The following GPR179 variants were observed in gnomAD, a reference collection of about 807,000 sequenced individuals.
The protein encoded by GPR179 is probable G protein-coupled receptor 179.
In GPR179, 52 loss-of-function variants were observed where a neutral mutation model predicts 70.8. The ratio of observed to expected loss-of-function variants is 0.73; its 90% CI spans 0.59 to 0.93. The LOEUF (loss-of-function observed/expected upper bound fraction) is 0.93. GPR179 is among the 40% of genes least tolerant of loss of function. The pLI, the probability that GPR179 is intolerant of heterozygous loss-of-function variation, is 0.00. For synonymous variants in GPR179, 1,123 were observed against 1,169.0 expected (o/e 0.96, Z 0.80); for missense variants, 2,734 against 2,966.8 (o/e 0.92, Z 1.82).
At position 38,328,458 on chromosome 17, in the gene GPR179, A is replaced by G; in HGVS notation, c.5111T>C (p.Ile1704Thr). Residue 1704 changes from isoleucine to threonine, a missense_variant, in exon 11 of 11, where the codon ATC (isoleucine) becomes ACC (threonine). Ile to Thr is a moderately conservative substitution (Grantham distance 89). Transcript: ENST00000616987. ...EENLTAGKAEICPWEVGAGAG... is the reference protein window; with the variant it reads ...EENLTAGKAETCPWEVGAGAG... ...TCCAGCACCCACCTCCCAGGGACAG[A>G]TTTCTGCCTTCCCAGCAGTCAAGTT... is the stretch of plus-strand genomic sequence containing the variant. 6.2e-7 allele frequency: 1 copy of G among 1,614,086 alleles called. No homozygotes were observed. Among genetic ancestry groups the G allele is most frequent in the Non-Finnish European group, 8.5e-7 (1 of 1,179,994 alleles).
At position 38,334,779 on chromosome 17, in the gene GPR179, G is replaced by A. The variant is rs373958918; in HGVS notation, c.1709C>T (p.Ala570Val). ...GCCCATGTAGCGTGGCTCATGGAAG[G>A]CCGAGAGCACAGCCCGTGTGGCGTA... The part of the protein sequence containing the change: ...LCYATRAVLS[A>V]FHEPRYMGIA... Residue 570 changes from alanine (A) to valine (V), a missense_variant, in exon 8 of 11, where the codon GCC becomes GTC. Physicochemically the swap from Ala to Val is moderately conservative, Grantham distance 64. Transcript: ENST00000616987. This position sits in a 1 kb window ranked among gnomAD's most constrained non-coding sequence, Gnocchi z 4.7. The A allele has an allele frequency of 1.1e-5, 18 of 1,613,600 alleles. No individual in the cohort carries two copies. In the African/African-American group the frequency reaches 2.1e-4, roughly 19 times the overall value.
rs1288643999 is a variant in GPR179 at position 38,335,837 on chromosome 17, G to A, written c.1297-137C>T. 12 of 684,584 alleles carry A rather than the reference G, an allele frequency of 1.8e-5. No individual in the cohort carries two copies. The East Asian group carries it at 3.0e-4, about 17-fold the overall frequency. 42.4% of individuals were successfully genotyped at this position (684,584 alleles called of 1,614,324 possible). On this transcript the variant is annotated intron_variant, in intron 5 of 10. Coordinates refer to ENST00000616987, the MANE Select transcript of GPR179 (RefSeq NM_001004334.4). ...ACCTTCATTCTGCAGAGGAGCAGCTGAAGTGTCAAAGAAGTTAGGTAACTT... is the reference window on the plus strand; with the variant it reads ...ACCTTCATTCTGCAGAGGAGCAGCTAAAGTGTCAAAGAAGTTAGGTAACTT...
Position 38,333,369 on chromosome 17 carries a change from T to TC in GPR179, c.1918dup (p.Glu640GlyfsTer6). On this transcript the variant is annotated frameshift_variant, in exon 10 of 11. Transcript: ENST00000616987. LOFTEE classifies it high-confidence loss of function. Reference sequence around the variant, plus strand: ...CTCACACACCTCATCCACCATCTCCTCCCGGGGAGGAGCCCCCAGCTTCCA... The same window carrying TC: ...CTCACACACCTCATCCACCATCTCCTCCCCGGGGAGGAGCCCCCAGCTTCCA... 6.2e-7 allele frequency: 1 copy of TC among 1,613,524 alleles called. No homozygotes were observed. The highest frequency in any genetic ancestry group is 8.5e-7 in the Non-Finnish European group (1 of 1,179,738).
At position 38,330,604 on chromosome 17, in the gene GPR179, G is replaced by C; in HGVS notation, c.2965C>G (p.Leu989Val). Residue 989 changes from leucine to valine, a missense_variant, in exon 11 of 11, where the codon CTC becomes GTC. Leu to Val is a conservative substitution (Grantham distance 32, BLOSUM62 1). Coordinates refer to ENST00000616987, the MANE Select transcript of GPR179 (RefSeq NM_001004334.4). Reference sequence around the variant, plus strand: ...TTCTCCCAGGGGCAGATGTAGGTGAGTAAGTTGGGGCTTTGTGGGGATACT... The same window carrying C: ...TTCTCCCAGGGGCAGATGTAGGTGACTAAGTTGGGGCTTTGTGGGGATACT... ...VPVSPQSPNL[L>V]TYICPWENAE... is the part of the protein sequence containing the mutation. 6.3e-7 allele frequency: 1 copy of C among 1,578,808 alleles called. No homozygotes were observed. Among genetic ancestry groups the C allele is most frequent in the Non-Finnish European group, 8.6e-7 (1 of 1,164,018 alleles).
chr17:38,337,727 G>A lies in GPR179; in HGVS notation c.904-7C>T. On this transcript the variant is annotated splice_region_variant and splice_polypyrimidine_tract_variant and intron_variant, in intron 2 of 10. Transcript: ENST00000616987. The stretch of plus-strand genomic sequence containing the variant: ...GACTCTCCAGGGGGACACACTATGG[G>A]GACAACAAACACAGTATGTGTTTAT... 6.2e-7 allele frequency: 1 copy of A among 1,611,134 alleles called. No homozygotes were observed. Among genetic ancestry groups the A allele is most frequent in the Non-Finnish European group, 8.5e-7 (1 of 1,178,048 alleles).
At position 38,331,144 on chromosome 17, in the gene GPR179, C is replaced by G. The variant is rs1265281696; in HGVS notation, c.2425G>C (p.Gly809Arg). ...SRTESRESVEGPPALGFRSAS... is the reference protein window; with the variant it reads ...SRTESRESVERPPALGFRSAS... ...GACCTGAAGCCCAGGGCAGGGGGCC[C>G]CTCCACCGACTCCCGGCTCTCTGTT... Residue 809 changes from glycine (G) to arginine (R), a missense_variant, in exon 11 of 11, where the codon GGG becomes CGG. Physicochemically the swap from Gly to Arg is moderately radical, Grantham distance 125. Coordinates refer to ENST00000616987, the MANE Select transcript of GPR179 (RefSeq NM_001004334.4). The G allele has an allele frequency of 6.2e-7, 1 of 1,605,840 alleles. No homozygotes were observed. Among genetic ancestry groups the G allele is most frequent in the African/African-American group, 1.3e-5 (1 of 74,930 alleles).
chr17:38,330,666 A>G lies in GPR179; in HGVS notation c.2903T>C (p.Leu968Pro), dbSNP rs1237259860. ...CAGGGCAGGGGCTGGGGTTGGAGCT[A>G]GAGCTGGCAGCAGAGCTGGAGCCAA... ...STLAPALLPALAPTPAPALAP... is the reference protein window; with the variant it reads ...STLAPALLPAPAPTPAPALAP... The change falls in exon 11 of 11, where the codon CTA (leucine) becomes CCA (proline). Residue 968 changes from leucine (L) to proline (P), a missense_variant. Physicochemically the swap from Leu to Pro is moderately conservative, Grantham distance 98. Coordinates refer to ENST00000616987, the MANE Select transcript of GPR179 (RefSeq NM_001004334.4). 9 of 1,599,340 alleles carry G rather than the reference A, an allele frequency of 5.6e-6. No individual in the cohort carries two copies. In the East Asian group the frequency reaches 1.1e-4, roughly 20 times the overall value.
Position 38,330,846 on chromosome 17 carries a change from C to T in GPR179, c.2723G>A (p.Ser908Asn). 6.2e-7 allele frequency: 1 copy of T among 1,603,740 alleles called. No homozygotes were observed. Among genetic ancestry groups the T allele is most frequent in the Non-Finnish European group, 8.5e-7 (1 of 1,175,338 alleles). Residue 908 changes from serine to asparagine, a missense_variant, in exon 11 of 11, where the codon AGC becomes AAC. Physicochemically the swap from Ser to Asn is conservative, Grantham distance 46. Transcript: ENST00000616987. Reference sequence around the variant, plus strand: ...GGTGTGAGAGCTGTCCACGCTGCTGCTCTTGGCAGGGGAAGGTGGAGCTGA... The same window carrying T: ...GGTGTGAGAGCTGTCCACGCTGCTGTTCTTGGCAGGGGAAGGTGGAGCTGA... ...PLSAPPSPAK[S>N]SSVDSSHTSG...
At chr17:38,332,159 G>A (rs528290974) in intron 10 of GPR179, among the ~76,000 whole-genome samples, 3 of 152,266 alleles carry the variant, frequency 2.0e-5, no homozygotes, top group African/African-American at 7.2e-5. Context: ...CTCAGAGGGT[G>A]AGGACACAAG....
chr17:38,337,544 C>T (rs967027620), intron 3 of GPR179, 89 bp downstream of exon 3: 11 of 1,156,810 alleles, frequency 9.5e-6, no homozygotes, highest in African/African-American at 1.6e-5. Flanking sequence ...CCCAGTGTCT[C>T]ACCCCAATCT....
chr17:38,337,830 G>T, intron 2 of GPR179, 110 bp from the exon 3 acceptor site: 2 of 901,340 alleles, frequency 2.2e-6, no homozygotes, highest in Non-Finnish European at 3.5e-6. Flanking sequence ...TGGGACTTGG[G>T]TCCACACTAG....
In GPR179 at chr17:38,336,138, A is replaced by G. The variant is rs1261539650; in HGVS notation, c.1234T>C (p.Trp412Arg). The G allele has an allele frequency of 6.2e-7, 1 of 1,610,776 alleles. No individual in the cohort carries two copies. Among genetic ancestry groups the G allele is most frequent in the African/African-American group, 1.3e-5 (1 of 74,982 alleles). ...TCCAGCAGGACCACTCCAGATGCCCAGATCCTCTGTGAAGCAAGGAGAGAG... is the reference window on the plus strand; with the variant it reads ...TCCAGCAGGACCACTCCAGATGCCCGGATCCTCTGTGAAGCAAGGAGAGAG... ...SYRCRRNKRI[W>R]ASGVVLLETV... The change falls in exon 5 of 11, where the codon TGG (tryptophan) becomes CGG (arginine). Residue 412 changes from tryptophan to arginine, a missense_variant. By Grantham distance (101) the Trp-to-Arg change is moderately radical. Transcript: ENST00000616987.
At position 38,327,468 on chromosome 17, in the gene GPR179, C is replaced by T; in HGVS notation, c.6101G>A (p.Arg2034Lys). ...TTGAGAGTCCCCTTTTCCATCCTGCCTTGACACCCCTTTGACAGGGATTCT... is the reference window on the plus strand; with the variant it reads ...TTGAGAGTCCCCTTTTCCATCCTGCTTTGACACCCCTTTGACAGGGATTCT... ...TERIPVKGVS[R>K]QDGKGDSQEE... Residue 2034 changes from arginine (R) to lysine (K), a missense_variant, in exon 11 of 11, where the codon AGG (arginine) becomes AAG (lysine). Transcript: ENST00000616987. 6.2e-7 allele frequency: 1 copy of T among 1,614,236 alleles called. No individual in the cohort carries two copies. The highest frequency in any genetic ancestry group is 8.5e-7 in the Non-Finnish European group (1 of 1,180,050).
chr17:38,331,175 G>C lies in GPR179; in HGVS notation c.2394C>G (p.Ala798=), dbSNP rs767482640. 6.2e-7 allele frequency: 1 copy of C among 1,608,268 alleles called. No homozygotes were observed. The highest frequency in any genetic ancestry group is 8.5e-7 in the Non-Finnish European group (1 of 1,179,216). ...CCGACTCCCGGCTCTCTGTTCGAGA[G>C]GCCTTCTTGGCCAGCTTCCTCCTCA... is the stretch of plus-strand genomic sequence containing the variant. ...SLLRRKLAKK[A]SRTESRESVE... Residue 798 remains alanine, a synonymous_variant, in exon 11 of 11, where the codon GCC becomes GCG. Coordinates refer to ENST00000616987, the MANE Select transcript of GPR179 (RefSeq NM_001004334.4).
At position 38,327,851 on chromosome 17, in the gene GPR179, A is replaced by C. The variant is rs1312608034; in HGVS notation, c.5718T>G (p.His1906Gln). 1.2e-6 allele frequency: 2 copies of C among 1,614,130 alleles called. No individual in the cohort carries two copies. Among genetic ancestry groups the C allele is most frequent in the Admixed American group, 1.7e-5 (1 of 60,016 alleles). Reference protein sequence around the residue: ...SSMSSEVAEGHSLEATEKGDL... With the variant: ...SSMSSEVAEGQSLEATEKGDL... ...CCCCCTTCTCTGTTGCTTCCAAGGA[A>C]TGTCCCTCTGCCACTTCACTACTCA... Residue 1906 changes from histidine to glutamine, a missense_variant, in exon 11 of 11, where the codon CAT (histidine) becomes CAG (glutamine). His to Gln is a conservative substitution (Grantham distance 24). Coordinates refer to ENST00000616987, the MANE Select transcript of GPR179 (RefSeq NM_001004334.4).
In GPR179 at chr17:38,329,890, TG is replaced by T. The variant is rs1263753572; in HGVS notation, c.3678del (p.Ala1228LeufsTer52). On this transcript the variant is annotated frameshift_variant, in exon 11 of 11. Coordinates refer to ENST00000616987, the MANE Select transcript of GPR179 (RefSeq NM_001004334.4). LOFTEE classifies it low-confidence loss of function (END_TRUNC). ...KETPVGWQEL[P>X]KAGLQSLGSA... is the part of the protein sequence containing the mutation. Reference sequence around the variant, plus strand: ...CTGCCCAGGGACTGGAGGCCAGCTTTGGGCAGTTCCTGCCACCCGACAGGGG... The same window carrying T: ...CTGCCCAGGGACTGGAGGCCAGCTTTGGCAGTTCCTGCCACCCGACAGGGG... 1.9e-6 allele frequency: 3 copies of T among 1,614,058 alleles called. No individual in the cohort carries two copies. The highest frequency in any genetic ancestry group is 2.5e-6 in the Non-Finnish European group (3 of 1,179,996).
intron 2 of GPR179, among the ~76,000 whole-genome samples, chr17:38,338,807 G>A (rs976206172): frequency 6.6e-6 from 1 of 152,200 alleles, no homozygotes; most frequent in African/African-American, 2.4e-5. Context: ...CCAGTACTGG[G>A]TTTGCATGAT....
intron 6 of GPR179, 61 bp downstream of exon 6, chr17:38,335,530 T>C: frequency 8.2e-7 from 1 of 1,225,302 alleles, no homozygotes; most frequent in Non-Finnish European, 1.2e-6. Flanking sequence ...CACCATTCCA[T>C]GAGTGAGCTG....
intron 5 of GPR179, 88 bp from the exon 6 acceptor site, chr17:38,335,788 C>T: frequency 1.2e-6 from 1 of 849,722 alleles, no homozygotes; most frequent in Non-Finnish European, 2.0e-6. Context: ...ATCCTCCCAA[C>T]AGCCCTGCAA....
Sources: allele counts gnomAD v4.1 joint callset (sites outside exome capture counted in the v4.1 genomes callset), GRCh38; gene constraint gnomAD v4.1.1; non-coding constraint Gnocchi (gnomAD v3.1); transcripts MANE v1.5; gene names NCBI Gene and HGNC (gene_info 2026-07-23, HGNC 2026-07-21).